Variants in ATOSA observed in about 807,000 individuals in gnomAD.
ATOSA encodes the protein atos homolog A, also known as atos homolog protein A.
the ATOSA span, among the ~76,000 whole-genome samples, chr15:52,608,041 T>C: frequency 2.4e-4 from 36 of 152,232 alleles, no homozygotes; most frequent in East Asian, 6.2e-3. Context: ...CCACCATGCC[T>C]GGCCAATTTT....
chr15:52,701,675 C>T, the ATOSA span, among the ~76,000 whole-genome samples: 2,566 of 152,136 alleles, frequency 0.017, 64 homozygotes, highest in African/African-American at 0.052. Flanking sequence ...TTCCTAACTA[C>T]GATTCAAAAT....
the ATOSA span, among the ~76,000 whole-genome samples, chr15:52,615,940 T>G: frequency 2.0e-5 from 3 of 152,154 alleles, no homozygotes; most frequent in African/African-American, 7.2e-5. Flanking sequence ...CCCAAGATCA[T>G]CCAGCTAGGA....
chr15:52,600,187 T>G, the ATOSA span: 1 of 1,611,954 alleles, frequency 6.2e-7, no homozygotes, highest in African/African-American at 1.3e-5. Flanking sequence ...TCAAAAATGG[T>G]TTTTCATGAA....
At chr15:52,600,185 G>C in the ATOSA span, 1 of 1,612,062 alleles carries the variant, frequency 6.2e-7, no homozygotes, top group Non-Finnish European at 8.5e-7. Flanking sequence ...ACTCAAAAAT[G>C]GTTTTTCATG....
the ATOSA span, among the ~76,000 whole-genome samples, chr15:52,697,835 C>T: frequency 3.6e-4 from 54 of 151,700 alleles, no homozygotes; most frequent in Non-Finnish European, 2.9e-4. Context: ...ATAAAGCTCA[C>T]GGGGGCTTTA....
At chr15:52,692,331 C>T in the ATOSA span, among the ~76,000 whole-genome samples, 7 of 152,144 alleles carry the variant, frequency 4.6e-5, 1 homozygote, top group South Asian at 1.0e-3. Context: ...AATATTCATT[C>T]CTAGTAAAAT....
At chr15:52,589,380 A>C in the ATOSA span, among the ~76,000 whole-genome samples, 1 of 152,196 alleles carries the variant, frequency 6.6e-6, no homozygotes, top group Non-Finnish European at 1.5e-5. Context: ...AAAATCACAT[A>C]ACTACACGTA....
the ATOSA span, among the ~76,000 whole-genome samples, chr15:52,673,433 G>A: frequency 3.3e-5 from 5 of 152,200 alleles, no homozygotes; most frequent in Non-Finnish European, 7.3e-5. Flanking sequence ...TATTAGCTGT[G>A]TAACCTTGGG....
the ATOSA span, among the ~76,000 whole-genome samples, chr15:52,641,947 C>T: frequency 6.6e-6 from 1 of 152,184 alleles, no homozygotes; most frequent in South Asian, 2.1e-4. Flanking sequence ...TTATCATTAA[C>T]TTCAGGCAGC....
chr15:52,610,633 A>G, the ATOSA span, among the ~76,000 whole-genome samples: 1 of 152,244 alleles, frequency 6.6e-6, no homozygotes, highest in East Asian at 1.9e-4. Context: ...AAGCTCAAGA[A>G]TATTATAACT....
the ATOSA span, among the ~76,000 whole-genome samples, chr15:52,604,799 T>C: frequency 3.3e-5 from 5 of 152,118 alleles, no homozygotes; most frequent in African/African-American, 1.2e-4. Context: ...AAAACAGCAA[T>C]AGTTTTAACT....
the ATOSA span, among the ~76,000 whole-genome samples, chr15:52,599,347 T>C: frequency 2.0e-5 from 3 of 152,192 alleles, no homozygotes; most frequent in African/African-American, 4.8e-5. Context: ...TACCTTGGAA[T>C]TGACATGGAA....
At chr15:52,589,091 C>T in the ATOSA span, among the ~76,000 whole-genome samples, 2 of 152,176 alleles carry the variant, frequency 1.3e-5, no homozygotes, top group African/African-American at 2.4e-5. Context: ...TTAACACATA[C>T]GTGGTTCTTG....
the ATOSA span, among the ~76,000 whole-genome samples, chr15:52,650,560 A>G: frequency 6.6e-6 from 1 of 152,216 alleles, no homozygotes; most frequent in African/African-American, 2.4e-5. Flanking sequence ...GCATGGGATA[A>G]TATTTTGAGT....
chr15:52,672,379 A>G, the ATOSA span, among the ~76,000 whole-genome samples: 1 of 151,978 alleles, frequency 6.6e-6, no homozygotes, highest in East Asian at 1.9e-4. Flanking sequence ...GTCTAACATG[A>G]GGAACTCTTC....
the ATOSA span, among the ~76,000 whole-genome samples, chr15:52,636,554 T>C: frequency 1.3e-5 from 2 of 152,236 alleles, no homozygotes; most frequent in East Asian, 1.9e-4. Flanking sequence ...ATAGAGGCCA[T>C]GCAAGCAAGC....
At chr15:52,620,178 T>G in the ATOSA span, among the ~76,000 whole-genome samples, 3 of 152,178 alleles carry the variant, frequency 2.0e-5, no homozygotes, top group Admixed American at 6.5e-5. Flanking sequence ...GGGTGATCCG[T>G]AGACAAAATA....
At chr15:52,625,977 A>G in the ATOSA span, among the ~76,000 whole-genome samples, 1 of 152,238 alleles carries the variant, frequency 6.6e-6, no homozygotes, top group East Asian at 1.9e-4. Context: ...AAATGGGGAT[A>G]ATAGTATCAA....
chr15:52,587,396 T>C, the ATOSA span: 1 of 539,178 alleles, frequency 1.9e-6, no homozygotes. Flanking sequence ...AACATTTTAC[T>C]GTTCCTCCTG....
Sources: allele counts gnomAD v4.1 joint callset (sites outside exome capture counted in the v4.1 genomes callset), GRCh38; gene constraint gnomAD v4.1.1; transcripts MANE v1.5; gene names NCBI Gene and HGNC (gene_info 2026-07-23, HGNC 2026-07-21).